Variants in GALNTL6 observed in about 807,000 individuals in gnomAD.
GALNTL6 encodes polypeptide N-acetylgalactosaminyltransferase-like 6.
In GALNTL6, 46 loss-of-function variants were observed where a neutral mutation model predicts 73.7. That is an observed-to-expected ratio of 0.62 (90% CI 0.49 to 0.80). The LOEUF (loss-of-function observed/expected upper bound fraction) is 0.80. Among genes scored for constraint, GALNTL6 ranks in the 30% least tolerant of loss-of-function variants. The pLI, the probability that GALNTL6 is intolerant of heterozygous loss-of-function variation, is 0.00. For synonymous variants in GALNTL6, 259 were observed against 263.7 expected, an observed-to-expected ratio of 0.98 and a Z score of 0.17; for missense variants, 604 against 755.0, an observed-to-expected ratio of 0.80 and a Z score of 2.34.
chr4:172,307,883 T>C (rs967208700), intron 3 of GALNTL6, among the ~76,000 whole-genome samples: 1 of 152,020 alleles, frequency 6.6e-6, no homozygotes, highest in African/African-American at 2.4e-5. Flanking sequence ...CTTTTTCTAG[T>C]TCTGTGAAGA....
intron 8 of GALNTL6, among the ~76,000 whole-genome samples, chr4:172,884,877 G>C (rs1745639126): frequency 6.6e-6 from 1 of 152,118 alleles, no homozygotes; most frequent in East Asian, 1.9e-4. Context: ...TGAAGAAACT[G>C]TCCTTTTCCC....
chr4:172,414,815 A>C (rs911421032), intron 5 of GALNTL6, among the ~76,000 whole-genome samples: 1 of 152,188 alleles, frequency 6.6e-6, no homozygotes, highest in Non-Finnish European at 1.5e-5. Flanking sequence ...ACTTTAGTCA[A>C]TTGAAAGGGT....
intron 5 of GALNTL6, among the ~76,000 whole-genome samples, chr4:172,623,581 TTG>T (rs1739045956): frequency 6.6e-6 from 1 of 152,110 alleles, no homozygotes; most frequent in South Asian, 2.1e-4. Context: ...CAAGTTACAG[TTG>T]TGTTTTGTAA....
intron 5 of GALNTL6, among the ~76,000 whole-genome samples, chr4:172,569,892 C>G (rs888483267): frequency 2.0e-5 from 3 of 152,078 alleles, no homozygotes; most frequent in Non-Finnish European, 4.4e-5. Context: ...AATCCATCCA[C>G]AGATTTAAAC....
intron 2 of GALNTL6, among the ~76,000 whole-genome samples, chr4:172,089,790 T>C (rs1374923893): frequency 6.6e-6 from 1 of 152,168 alleles, no homozygotes; most frequent in East Asian, 1.9e-4. Flanking sequence ...CATGGTGGTT[T>C]TGCTGCACCC....
intron 3 of GALNTL6, among the ~76,000 whole-genome samples, chr4:172,273,312 G>A (rs561535726): frequency 6.6e-6 from 1 of 152,050 alleles, no homozygotes; most frequent in Non-Finnish European, 1.5e-5. Context: ...ATTTTCAGTG[G>A]GGGCCATACC....
intron 5 of GALNTL6, among the ~76,000 whole-genome samples, chr4:172,436,319 A>G (rs950035818): frequency 8.5e-5 from 13 of 152,058 alleles, no homozygotes; most frequent in Admixed American, 2.6e-4. Context: ...TAAGCTCATA[A>G]GATATGAGAT....
intron 5 of GALNTL6, among the ~76,000 whole-genome samples, chr4:172,519,509 CTT>C (rs200738778): frequency 2.2e-5 from 3 of 139,198 alleles, no homozygotes; most frequent in Non-Finnish European, 1.6e-5. Context: ...TTCCTTCTTT[CTT>C]TTTTTTTTTT....
At chr4:172,086,625 C>T (rs910320136) in intron 2 of GALNTL6, among the ~76,000 whole-genome samples, 2 of 152,154 alleles carry the variant, frequency 1.3e-5, no homozygotes, top group Non-Finnish European at 2.9e-5. Context: ...TAGTAACCCA[C>T]AGAAGTAACT....
chr4:172,553,944 C>T (rs1324555773), intron 5 of GALNTL6, among the ~76,000 whole-genome samples: 1 of 152,122 alleles, frequency 6.6e-6, no homozygotes, highest in Non-Finnish European at 1.5e-5. Context: ...GCAGGAGGAT[C>T]TCTTGAGCCC....
At chr4:172,263,932 A>T (rs1323586559) in intron 3 of GALNTL6, among the ~76,000 whole-genome samples, 3 of 151,542 alleles carry the variant, frequency 2.0e-5, no homozygotes, top group Admixed American at 6.6e-5. Flanking sequence ...GGCTTTGTCT[A>T]TGGGAATCTT....
chr4:172,418,782 A>G (rs1209686950), intron 5 of GALNTL6, among the ~76,000 whole-genome samples: 2 of 152,196 alleles, frequency 1.3e-5, no homozygotes, highest in African/African-American at 2.4e-5. Flanking sequence ...AAGGAGGAAG[A>G]TTATATCCAC....
chr4:172,188,393 G>T (rs1472287912), intron 2 of GALNTL6, among the ~76,000 whole-genome samples: 2 of 152,120 alleles, frequency 1.3e-5, no homozygotes, highest in Non-Finnish European at 2.9e-5. Context: ...ACACATATTT[G>T]AGCATTTATT....
intron 2 of GALNTL6, among the ~76,000 whole-genome samples, chr4:172,166,272 C>T (rs907752409): frequency 2.6e-5 from 4 of 151,970 alleles, no homozygotes; most frequent in African/African-American, 7.2e-5. Flanking sequence ...GGTGAAACCC[C>T]GTCTCTACTA....
At chr4:172,990,210 A>G (rs1751478018) in intron 10 of GALNTL6, among the ~76,000 whole-genome samples, 1 of 152,258 alleles carries the variant, frequency 6.6e-6, no homozygotes, top group Non-Finnish European at 1.5e-5. Flanking sequence ...GTCCTGTTAT[A>G]AAAGAAAGCA....
At chr4:172,120,387 C>A (rs567753822) in intron 2 of GALNTL6, among the ~76,000 whole-genome samples, 62 of 152,128 alleles carry the variant, frequency 4.1e-4, no homozygotes, top group Non-Finnish European at 7.6e-4. Flanking sequence ...CTGTTCCCTG[C>A]CTTTTCCAAC....
chr4:172,985,175 AG>A (rs1283197244), intron 10 of GALNTL6, among the ~76,000 whole-genome samples: 1 of 152,132 alleles, frequency 6.6e-6, no homozygotes, highest in Non-Finnish European at 1.5e-5. Context: ...GAGATTTGAG[AG>A]AGAAATGAAC....
intron 2 of GALNTL6, among the ~76,000 whole-genome samples, chr4:172,057,715 AAAAAAAAAAAAAATATAT>A (rs1268960555): frequency 4.8e-5 from 5 of 104,896 alleles, no homozygotes; most frequent in Non-Finnish European, 7.6e-5. Context: ...AAAAAAAAAA[AAAAAAAAAAAAAATATAT>A]ATATATATAT....
At chr4:172,820,383 C>CGGGT (rs1741856400) in intron 7 of GALNTL6, among the ~76,000 whole-genome samples, 1 of 152,136 alleles carries the variant, frequency 6.6e-6, no homozygotes. Context: ...TTACCTTAAC[C>CGGGT]TATTCAAAAT....
Sources: gnomAD v4.1 joint callset for allele counts (sites outside exome capture counted in the v4.1 genomes callset) on GRCh38, gnomAD v4.1.1 for gene constraint, MANE v1.5 for transcripts, NCBI Gene and HGNC (gene_info 2026-07-23, HGNC 2026-07-21) for gene names.